The following PDE4B variants were observed in gnomAD, a reference collection of about 807,000 sequenced individuals.
The protein encoded by PDE4B is phosphodiesterase 4B.
A neutral mutation model predicts 82.2 loss-of-function variants in PDE4B; 20 were observed. The ratio of observed to expected loss-of-function variants is 0.24; its 90% CI spans 0.17 to 0.35. The LOEUF is 0.35. Ranked by LOEUF, PDE4B falls within the 10% of genes least tolerant of loss-of-function variation. The pLI, the probability that PDE4B is intolerant of heterozygous loss-of-function variation, is 1.00. For synonymous variants in PDE4B, 320 were observed against 318.9 expected, an observed-to-expected ratio of 1.00 and a Z score of -0.04; for missense variants, 655 against 907.2, an observed-to-expected ratio of 0.72 and a Z score of 3.57.
At chr1:66,044,067 C>T (rs1025702074) in intron 3 of PDE4B, among the ~76,000 whole-genome samples, 1 of 151,234 alleles carries the variant, frequency 6.6e-6, no homozygotes, top group African/African-American at 2.4e-5. Context: ...TGTGCTTTGT[C>T]ATCTAATTTT....
At chr1:65,812,306 G>C (rs1381568535) in intron 1 of PDE4B, among the ~76,000 whole-genome samples, 1 of 152,134 alleles carries the variant, frequency 6.6e-6, no homozygotes, top group Non-Finnish European at 1.5e-5. Flanking sequence ...CCTCTTGTAG[G>C]TTAGTTACTC....
At chr1:66,304,001 T>C (rs920066453) in intron 7 of PDE4B, among the ~76,000 whole-genome samples, 1 of 152,154 alleles carries the variant, frequency 6.6e-6, no homozygotes, top group African/African-American at 2.4e-5. Context: ...CACATGCAGA[T>C]AGAATATCGT....
At chr1:66,193,363 G>T (rs1298676269) in intron 3 of PDE4B, among the ~76,000 whole-genome samples, 1 of 152,028 alleles carries the variant, frequency 6.6e-6, no homozygotes, top group Admixed American at 6.6e-5. Flanking sequence ...AACATCCTAG[G>T]CTATTTCTTG....
chr1:66,138,729 T>C (rs1646110611), intron 3 of PDE4B, among the ~76,000 whole-genome samples: 2 of 152,342 alleles, frequency 1.3e-5, no homozygotes, highest in Admixed American at 1.3e-4. Context: ...GTCAGCCTTA[T>C]CATTTATGTG....
intron 12 of PDE4B, 96 bp from the exon 13 acceptor site, chr1:66,365,571 C>T (rs1303547007): frequency 3.3e-6 from 2 of 607,432 alleles, no homozygotes; most frequent in East Asian, 5.5e-5. Context: ...CAATCCCTCT[C>T]CCAACAAGAA....
At chr1:66,186,463 A>G (rs1418645089) in intron 3 of PDE4B, among the ~76,000 whole-genome samples, 7 of 152,086 alleles carry the variant, frequency 4.6e-5, no homozygotes, top group African/African-American at 2.4e-5. Context: ...CTTCCTACCC[A>G]TGAGCATGGA....
At chr1:66,084,320 G>A (rs867648049) in intron 3 of PDE4B, among the ~76,000 whole-genome samples, 2 of 152,022 alleles carry the variant, frequency 1.3e-5, no homozygotes, top group Non-Finnish European at 1.5e-5. Flanking sequence ...AAGATAAAAC[G>A]CAAATCAATC....
intron 3 of PDE4B, among the ~76,000 whole-genome samples, chr1:66,202,034 C>T (rs1245559103): frequency 1.3e-5 from 2 of 152,204 alleles, no homozygotes; most frequent in African/African-American, 4.8e-5. Flanking sequence ...CCCACAGATT[C>T]TGGTATGTTG....
rs1649116656 is a variant in PDE4B at position 65,953,729 on chromosome 1, CAGT to C, written c.281+34896_281+34898del. ...ACTAATAAACCTCCTACCTTCATAA[CAGT>C]ACAATTTTTAAAAAATGTGTACATA... is the stretch of plus-strand genomic sequence containing the variant. On this transcript the variant is annotated intron_variant, in intron 3 of 16. Coordinates refer to ENST00000341517, the MANE Select transcript of PDE4B (RefSeq NM_002600.4). Among the ~76,000 whole-genome samples the C allele has an allele frequency of 3.3e-5, 5 of 152,196 alleles. No homozygotes were observed. In the South Asian group the frequency reaches 1.0e-3, roughly 32 times the overall value.
chr1:65,997,156 C>T (rs1225751929), intron 3 of PDE4B, among the ~76,000 whole-genome samples: 10 of 128,346 alleles, frequency 7.8e-5, no homozygotes, highest in South Asian at 6.4e-4. Flanking sequence ...GACCCACCCC[C>T]GCCCCCCACC....
chr1:66,078,540 G>T (rs760465742), intron 3 of PDE4B, among the ~76,000 whole-genome samples: 3 of 151,924 alleles, frequency 2.0e-5, no homozygotes, highest in African/African-American at 4.8e-5. Flanking sequence ...ACCATGTTGT[G>T]CAGCCCATCT....
At chr1:66,106,820 C>T in intron 3 of PDE4B, among the ~76,000 whole-genome samples, 1 of 109,690 alleles carries the variant, frequency 9.1e-6, no homozygotes. Flanking sequence ...CTATTTGATT[C>T]TTCTCTCTTT....
intron 3 of PDE4B, among the ~76,000 whole-genome samples, chr1:66,053,224 T>G (rs1655132411): frequency 6.6e-6 from 1 of 152,194 alleles, no homozygotes; most frequent in Non-Finnish European, 1.5e-5. Flanking sequence ...TATTAAATGT[T>G]TGTTGAATAA....
chr1:65,838,473 CTA>C (rs780110235), intron 1 of PDE4B, among the ~76,000 whole-genome samples: 1 of 146,794 alleles, frequency 6.8e-6, no homozygotes, highest in Non-Finnish European at 1.5e-5. Flanking sequence ...TAGATTGTCA[CTA>C]TATATATACG....
At chr1:65,922,018 A>G (rs189048960) in intron 3 of PDE4B, among the ~76,000 whole-genome samples, 40 of 152,344 alleles carry the variant, frequency 2.6e-4, no homozygotes, top group African/African-American at 8.9e-4. Flanking sequence ...TGATTTTATC[A>G]TATGTTTATT....
At chr1:66,105,483 A>G (rs946030797) in intron 3 of PDE4B, among the ~76,000 whole-genome samples, 2 of 152,144 alleles carry the variant, frequency 1.3e-5, no homozygotes, top group African/African-American at 4.8e-5. Context: ...GGAGAAAGTC[A>G]TTGGTAACTT....
intron 2 of PDE4B, among the ~76,000 whole-genome samples, chr1:65,917,754 T>C (rs893869492): frequency 6.6e-6 from 1 of 152,192 alleles, no homozygotes; most frequent in Non-Finnish European, 1.5e-5. Context: ...TTTTCTGAGT[T>C]CTTACACAAT....
At chr1:66,354,246 G>A (rs1193502533) in intron 8 of PDE4B, 1 of 196,512 alleles carries the variant, frequency 5.1e-6, no homozygotes, top group East Asian at 1.9e-4. Flanking sequence ...ATCAATTAGA[G>A]CGGCTGGATT....
intron 3 of PDE4B, among the ~76,000 whole-genome samples, chr1:66,118,980 T>A (rs925892431): frequency 2.6e-5 from 4 of 152,328 alleles, no homozygotes; most frequent in African/African-American, 9.6e-5. Context: ...TTTTAACATA[T>A]CCCCTTCTTC....
Sources: allele counts gnomAD v4.1 joint callset (sites outside exome capture counted in the v4.1 genomes callset), GRCh38; gene constraint gnomAD v4.1.1; transcripts MANE v1.5; gene names NCBI Gene and HGNC (gene_info 2026-07-23, HGNC 2026-07-21).